Variants in CDH13 observed in about 807,000 individuals in gnomAD.
CDH13 encodes cadherin 13.
CDH13 carries 24 observed loss-of-function variants against 63.8 expected under a neutral mutation model. The observed-to-expected ratio is 0.38, with a 90% CI of 0.27 to 0.53. The LOEUF (loss-of-function observed/expected upper bound fraction) is 0.53. CDH13 is among the 20% of genes least tolerant of loss of function. The probability of loss-of-function intolerance (pLI) is 0.85; values close to 1 mark genes in which losing one functional copy is unlikely to be tolerated. For missense variants in CDH13, 1,049 were observed against 903.1 expected (o/e 1.16, Z -2.07); for synonymous variants, 503 against 355.3 (o/e 1.42, Z -4.67).
chr16:83,407,002 A>G (rs772787510), intron 6 of CDH13, among the ~76,000 whole-genome samples: 1 of 152,252 alleles, frequency 6.6e-6, no homozygotes, highest in Non-Finnish European at 1.5e-5. Flanking sequence ...AAACACATAC[A>G]TCAAATGCCT....
At chr16:82,639,373 A>C in intron 1 of CDH13, 1 of 1,535,490 alleles carries the variant, frequency 6.5e-7, no homozygotes, top group South Asian at 1.2e-5. Context: ...CAAACAACCC[A>C]CCTGCACTGC....
intron 7 of CDH13, among the ~76,000 whole-genome samples, chr16:83,507,785 A>T (rs966549192): frequency 6.6e-6 from 1 of 151,998 alleles, no homozygotes. Context: ...TTGTAATCCC[A>T]GCACTCTGGA....
intron 5 of CDH13, among the ~76,000 whole-genome samples, chr16:83,341,915 A>T (rs1034830392): frequency 6.6e-6 from 1 of 151,278 alleles, no homozygotes; most frequent in Admixed American, 6.6e-5. Context: ...CTTTCTTGTC[A>T]TTCAAGCCTC....
intron 1 of CDH13, among the ~76,000 whole-genome samples, chr16:82,790,464 A>G (rs1217129819): frequency 6.6e-6 from 1 of 152,158 alleles, no homozygotes; most frequent in Non-Finnish European, 1.5e-5. Context: ...ATTGCTAATT[A>G]TGCTGATTAC....
chr16:83,713,987 A>G (rs1252377099), intron 10 of CDH13, among the ~76,000 whole-genome samples: 1 of 152,152 alleles, frequency 6.6e-6, no homozygotes, highest in African/African-American at 2.4e-5. Flanking sequence ...GTATTCTCCA[A>G]AATTCCTGGG....
intron 1 of CDH13, among the ~76,000 whole-genome samples, chr16:82,857,603 C>G (rs187033609): frequency 6.6e-6 from 1 of 152,278 alleles, no homozygotes; most frequent in Admixed American, 6.5e-5. Context: ...TAAGCATCTG[C>G]AAAGACAGAA....
In CDH13 at chr16:82,972,488, C is replaced by T. The variant is rs111324370; in HGVS notation, c.158-59522C>T. Among the ~76,000 whole-genome samples, 597 of 152,274 alleles carry T rather than the reference C, an allele frequency of 3.9e-3. 8 individuals are homozygous for T. The highest frequency in any genetic ancestry group is 0.014 in the African/African-American group (572 of 41,556). On this transcript the variant is annotated intron_variant, in intron 2 of 13. Transcript: ENST00000567109. Reference sequence around the variant, plus strand: ...TACTGCATTAGCTGAGTCTCCAGAGCAAGTTGTTGCTAGCCTTGGGACCTG... The same window carrying T: ...TACTGCATTAGCTGAGTCTCCAGAGTAAGTTGTTGCTAGCCTTGGGACCTG...
intron 1 of CDH13, among the ~76,000 whole-genome samples, chr16:82,746,910 G>C (rs370606418): frequency 1.3e-5 from 2 of 152,164 alleles, no homozygotes; most frequent in Non-Finnish European, 2.9e-5. Context: ...ACCTGATGTT[G>C]TGATTAGAGC....
chr16:83,026,028 C>T (rs1360917561), intron 2 of CDH13, among the ~76,000 whole-genome samples: 1 of 152,138 alleles, frequency 6.6e-6, no homozygotes, highest in Admixed American at 6.5e-5. Context: ...GAACCATGGC[C>T]TAAAGCACCT....
At chr16:82,937,862 G>C (rs2042718948) in intron 2 of CDH13, among the ~76,000 whole-genome samples, 1 of 152,100 alleles carries the variant, frequency 6.6e-6, no homozygotes, top group African/African-American at 2.4e-5. Flanking sequence ...TTTCTAAACA[G>C]CTGATTAAAG....
At chr16:82,922,456 A>G (rs937923584) in intron 2 of CDH13, among the ~76,000 whole-genome samples, 1 of 152,208 alleles carries the variant, frequency 6.6e-6, no homozygotes, top group Non-Finnish European at 1.5e-5. Context: ...AGAAGCAAAC[A>G]TGAGTGTTGT....
chr16:83,361,449 C>A (rs2091160228), intron 6 of CDH13, among the ~76,000 whole-genome samples: 1 of 152,118 alleles, frequency 6.6e-6, no homozygotes, highest in Non-Finnish European at 1.5e-5. Flanking sequence ...TCCCACTTGT[C>A]AATTTTTGTT....
intron 5 of CDH13, among the ~76,000 whole-genome samples, chr16:83,236,237 G>GCACACA (rs3049880): frequency 0.29 from 43,670 of 148,418 alleles, 7,162 homozygotes; most frequent in African/African-American, 0.44. Context: ...ACACGCACAT[G>GCACACA]CACACACACA....
At chr16:82,896,645 G>A (rs910588372) in intron 2 of CDH13, among the ~76,000 whole-genome samples, 79 of 151,732 alleles carry the variant, frequency 5.2e-4, no homozygotes, top group Non-Finnish European at 1.0e-3. Flanking sequence ...ATACCTGGGA[G>A]ATCAAATGAG....
rs2040349381 is a variant in CDH13 at position 82,871,772 on chromosome 16, C to G, written c.157+13299C>G. On this transcript the variant is annotated intron_variant, in intron 2 of 13. Transcript: ENST00000567109. ...GATCTAGATGCATTAATGATATCCT[C>G]AATATCACCCTTCATCCCCCAGCTT... is the stretch of plus-strand genomic sequence containing the variant. 2.0e-5 allele frequency among the ~76,000 whole-genome samples: 3 copies of G among 152,162 alleles called. No individual in the cohort carries two copies. The South Asian group carries it at 6.2e-4, about 32-fold the overall frequency.
chr16:82,714,281 C>T (rs1377260443), intron 1 of CDH13, among the ~76,000 whole-genome samples: 1 of 152,104 alleles, frequency 6.6e-6, no homozygotes, highest in African/African-American at 2.4e-5. Context: ...ATTGTGTTCC[C>T]CCAAAAGATA....
At chr16:83,245,402 G>A (rs1334061915) in intron 5 of CDH13, among the ~76,000 whole-genome samples, 2 of 152,190 alleles carry the variant, frequency 1.3e-5, no homozygotes, top group Non-Finnish European at 2.9e-5. Context: ...TTACACTTCA[G>A]CATTGACAGA....
chr16:82,662,804 T>C (rs1034172866), intron 1 of CDH13, among the ~76,000 whole-genome samples: 1 of 152,208 alleles, frequency 6.6e-6, no homozygotes, highest in Non-Finnish European at 1.5e-5. Context: ...AGGGCTTCTC[T>C]GCCATTTAGA....
chr16:83,789,576 T>C (rs942796803), intron 13 of CDH13, among the ~76,000 whole-genome samples: 3 of 152,094 alleles, frequency 2.0e-5, no homozygotes, highest in African/African-American at 7.2e-5. Flanking sequence ...CTGAAACTCC[T>C]GACCTCAAGT....
Sources: allele counts gnomAD v4.1 joint callset (sites outside exome capture counted in the v4.1 genomes callset), GRCh38; gene constraint gnomAD v4.1.1; transcripts MANE v1.5; gene names NCBI Gene and HGNC (gene_info 2026-07-23, HGNC 2026-07-21).